The following ABCA13 variants were observed in gnomAD, a reference collection of about 807,000 sequenced individuals.
The protein encoded by ABCA13 is ATP-binding cassette sub-family A member 13.
In ABCA13, 476 loss-of-function variants were observed where a neutral mutation model predicts 478.7. The observed-to-expected ratio is 0.99, with a 90% CI of 0.92 to 1.07. The LOEUF (loss-of-function observed/expected upper bound fraction) is 1.07, where lower values mean the gene tolerates loss of function less well. ABCA13 is among the 50% of genes least tolerant of loss of function. The probability of loss-of-function intolerance (pLI) is 0.00; values close to 1 mark genes in which losing one functional copy is unlikely to be tolerated. For missense variants in ABCA13, 6,060 were observed against 5,910.6 expected (o/e 1.03, Z -0.83); for synonymous variants, 2,252 against 2,158.9 (o/e 1.04, Z -1.20).
At chr7:48,302,113 A>G (rs1584733485) in intron 23 of ABCA13, among the ~76,000 whole-genome samples, 1 of 152,158 alleles carries the variant, frequency 6.6e-6, no homozygotes, top group South Asian at 2.1e-4. Flanking sequence ...CCTGAAATCA[A>G]ACCCACGTCT....
intron 59 of ABCA13, among the ~76,000 whole-genome samples, chr7:48,640,094 C>A (rs1794997058): frequency 1.3e-5 from 2 of 152,092 alleles, no homozygotes; most frequent in East Asian, 3.9e-4. Context: ...AATACTGAGT[C>A]TATGATTTTC....
intron 3 of ABCA13, among the ~76,000 whole-genome samples, chr7:48,215,416 A>G (rs1309274875): frequency 1.3e-5 from 2 of 152,186 alleles, no homozygotes; most frequent in Non-Finnish European, 2.9e-5. Context: ...ATCACTGATT[A>G]CAGAACACAA....
At chr7:48,394,410 G>A (rs748912098) in intron 38 of ABCA13, among the ~76,000 whole-genome samples, 61 of 152,154 alleles carry the variant, frequency 4.0e-4, no homozygotes, top group Non-Finnish European at 7.1e-4. Flanking sequence ...TGTGTAGCCT[G>A]CCTCACTGCC....
In ABCA13 at chr7:48,352,115, T is replaced by C. The variant is rs530551936; in HGVS notation, c.10382-66T>C. The C allele has an allele frequency of 1.9e-5, 29 of 1,490,436 alleles. 1 individual carries two copies. The Admixed American group carries it at 3.0e-4, about 15-fold the overall frequency. 92.3% of individuals were successfully genotyped at this position (1,490,436 alleles called of 1,614,324 possible). A position where few individuals can be genotyped will look rare whatever the true frequency, so the allele number is the denominator to read the frequency against. ...CTGCAACTTTTCCTGTCTCACCCAG[T>C]GTAGGCGTGGTTTGAGCCACTCCCT... On this transcript the variant is annotated intron_variant, in intron 30 of 61. Transcript: ENST00000435803.
chr7:48,250,509 C>T (rs551516785), intron 15 of ABCA13, among the ~76,000 whole-genome samples: 2 of 152,262 alleles, frequency 1.3e-5, no homozygotes, highest in South Asian at 4.1e-4. Flanking sequence ...CATTCATTAG[C>T]CTACAAAAAG....
At chr7:48,531,813 G>T (rs533684497) in intron 55 of ABCA13, among the ~76,000 whole-genome samples, 10 of 143,822 alleles carry the variant, frequency 7.0e-5, no homozygotes, top group Middle Eastern at 3.7e-3. Flanking sequence ...TGCTTTTGGT[G>T]TATAGCAGAG....
At chr7:48,535,816 C>T (rs559442267) in intron 55 of ABCA13, among the ~76,000 whole-genome samples, 13 of 152,180 alleles carry the variant, frequency 8.5e-5, no homozygotes, top group South Asian at 4.2e-4. Flanking sequence ...GGCTTTACCC[C>T]GCTGCCATAC....
rs1200051596 is a variant in ABCA13 at position 48,249,240 on chromosome 7, T to C, written c.1894T>C (p.Phe632Leu). 3.7e-6 allele frequency: 6 copies of C among 1,612,224 alleles called. No homozygotes were observed. In the African/African-American group the frequency reaches 8.0e-5, roughly 22 times the overall value. The part of the protein sequence containing the change: ...VIFHTLEKTQ[F>L]FLEQAYYWKA... ...ATTTCATACACTTGAAAAAACACAA[T>C]TTTTCCTGGAACAAGCATATTATTG... Residue 632 changes from phenylalanine to leucine, a missense_variant, in exon 15 of 62, where the codon TTT becomes CTT. Around this residue, in one of 3 missense-constraint regions of ABCA13, gnomAD observed 4,423 missense variants for 4,309.1 expected, o/e 1.03. Transcript: ENST00000435803.
intron 3 of ABCA13, among the ~76,000 whole-genome samples, chr7:48,206,584 T>C (rs1784952621): frequency 6.6e-6 from 1 of 150,400 alleles, no homozygotes; most frequent in Non-Finnish European, 1.5e-5. Context: ...GGATGTTCTT[T>C]TCTGTTTTTT....
At chr7:48,532,200 A>C (rs1004446978) in intron 55 of ABCA13, among the ~76,000 whole-genome samples, 1 of 151,992 alleles carries the variant, frequency 6.6e-6, no homozygotes, top group African/African-American at 2.4e-5. Flanking sequence ...TGAGGGTTTT[A>C]ATCATAAAGA....
At chr7:48,209,102 T>C (rs749538859) in intron 3 of ABCA13, among the ~76,000 whole-genome samples, 3 of 152,168 alleles carry the variant, frequency 2.0e-5, no homozygotes, top group Admixed American at 2.0e-4. Context: ...ATGTATCACA[T>C]TGATTAATTT....
At chr7:48,180,679 G>A (rs939374042) in intron 1 of ABCA13, among the ~76,000 whole-genome samples, 4 of 151,986 alleles carry the variant, frequency 2.6e-5, no homozygotes, top group Non-Finnish European at 4.4e-5. Context: ...CATCTGCCTC[G>A]GCCTCCCAAA....
At chr7:48,423,252 A>C (rs1474634550) in intron 41 of ABCA13, among the ~76,000 whole-genome samples, 1 of 152,226 alleles carries the variant, frequency 6.6e-6, no homozygotes, top group African/African-American at 2.4e-5. Context: ...GCTTCCTTAA[A>C]AAACAATCAC....
In ABCA13 at chr7:48,412,662, AGGG is replaced by A. The variant is rs1325765345; in HGVS notation, c.12459+84_12459+86del. On this transcript the variant is annotated intron_variant, in intron 41 of 61. Transcript: ENST00000435803. ...ACATTAAATGAAGAGATGTGGGTAA[AGGG>A]GGGGAGATGTGGGTAAGGGGGAGGA... The A allele has an allele frequency of 2.0e-5, 19 of 956,752 alleles. No homozygotes were observed. The East Asian group carries it at 8.1e-4, about 41-fold the overall frequency. The allele number at this position is 956,752 out of a possible 1,614,324, so 59.3% of individuals were successfully genotyped here. A position where few individuals can be genotyped will look rare whatever the true frequency, so the allele number is the denominator to read the frequency against.
Position 48,636,031 on chromosome 7 carries a change from A to G in ABCA13, c.14838-7257A>G, listed in dbSNP as rs545045196. ...TATATCTATTTCATGCTGGTATTGTACCTGCACCTAAAGTGACTGTGCCCG... is the reference window on the plus strand; with the variant it reads ...TATATCTATTTCATGCTGGTATTGTGCCTGCACCTAAAGTGACTGTGCCCG... On this transcript the variant is annotated intron_variant, in intron 59 of 61. Coordinates refer to ENST00000435803, the MANE Select transcript of ABCA13 (RefSeq NM_152701.5). Among the ~76,000 whole-genome samples, 21 of 152,294 alleles carry G rather than the reference A, an allele frequency of 1.4e-4. No individual in the cohort carries two copies. In the South Asian group the frequency reaches 3.3e-3, roughly 24 times the overall value.
intron 55 of ABCA13, among the ~76,000 whole-genome samples, chr7:48,537,559 C>T (rs1286882380): frequency 1.3e-5 from 2 of 152,102 alleles, no homozygotes; most frequent in African/African-American, 4.8e-5. Context: ...TGTGTCATTC[C>T]CCTATTGATT....
intron 55 of ABCA13, among the ~76,000 whole-genome samples, chr7:48,554,780 T>A (rs1481839250): frequency 6.6e-6 from 1 of 150,818 alleles, no homozygotes; most frequent in Non-Finnish European, 1.5e-5. Flanking sequence ...AAGGATAATT[T>A]GAGTTCTTCC....
chr7:48,514,223 G>C (rs1214337909), intron 51 of ABCA13, among the ~76,000 whole-genome samples: 2 of 152,164 alleles, frequency 1.3e-5, no homozygotes, highest in African/African-American at 4.8e-5. Flanking sequence ...ATCTTGCTGT[G>C]TGTTGTGCCA....
intron 1 of ABCA13, among the ~76,000 whole-genome samples, chr7:48,172,690 C>T (rs987564649): frequency 6.7e-5 from 10 of 149,222 alleles, no homozygotes; most frequent in Non-Finnish European, 8.9e-5. Context: ...CCCAGCTACG[C>T]GGGAGGCTGA....
Sources: allele counts gnomAD v4.1 joint callset (sites outside exome capture counted in the v4.1 genomes callset), GRCh38; gene constraint gnomAD v4.1.1; regional missense constraint gnomAD v4.1.1; transcripts MANE v1.5; gene names NCBI Gene and HGNC (gene_info 2026-07-23, HGNC 2026-07-21).